NKAIN3: variants seen among roughly 807,000 people sequenced by gnomAD.
The protein encoded by NKAIN3 is sodium/potassium transporting ATPase interacting 3.
NKAIN3 carries 25 observed loss-of-function variants against 30.2 expected under a neutral mutation model. The ratio of observed to expected loss-of-function variants is 0.83; its 90% CI spans 0.60 to 1.16. The LOEUF (loss-of-function observed/expected upper bound fraction) is 1.16, where lower values mean the gene tolerates loss of function less well. Ranked by LOEUF, NKAIN3 falls within the 50% of genes most tolerant of loss-of-function variation. The probability of loss-of-function intolerance (pLI) is 0.00; values close to 1 mark genes in which losing one functional copy is unlikely to be tolerated. For missense variants in NKAIN3, 225 were observed against 254.1 expected (o/e 0.89, Z 0.78); for synonymous variants, 91 against 89.6 (o/e 1.02, Z -0.09).
At chr8:62,845,285 TTA>T (rs10525699) in intron 4 of NKAIN3, among the ~76,000 whole-genome samples, 3,625 of 68,904 alleles carry the variant, frequency 0.053, 389 homozygotes, top group African/African-American at 0.17. Flanking sequence ...GGATAGTAGA[TTA>T]TATATATATA....
intron 1 of NKAIN3, among the ~76,000 whole-genome samples, chr8:62,357,517 T>C (rs1816398263): frequency 6.6e-6 from 1 of 152,310 alleles, no homozygotes; most frequent in East Asian, 1.9e-4. Context: ...TAAGGCCTTA[T>C]AGGAGTCCTA....
chr8:62,726,656 A>G (rs1815269014), intron 3 of NKAIN3, among the ~76,000 whole-genome samples: 1 of 151,926 alleles, frequency 6.6e-6, no homozygotes, highest in Non-Finnish European at 1.5e-5. Flanking sequence ...TTACATCCTT[A>G]TATTTATTAT....
At chr8:62,269,182 A>G (rs1812698300) in intron 1 of NKAIN3, among the ~76,000 whole-genome samples, 1 of 152,208 alleles carries the variant, frequency 6.6e-6, no homozygotes, top group Non-Finnish European at 1.5e-5. Context: ...TGCATGGTGG[A>G]TAAGTATTGC....
intron 6 of NKAIN3, among the ~76,000 whole-genome samples, chr8:62,957,267 G>C (rs965776114): frequency 5.9e-5 from 9 of 152,094 alleles, no homozygotes. Flanking sequence ...CTGAGTAGCT[G>C]GGACTATAGG....
chr8:62,886,810 C>G (rs967624390), intron 4 of NKAIN3, among the ~76,000 whole-genome samples: 1 of 152,132 alleles, frequency 6.6e-6, no homozygotes, highest in African/African-American at 2.4e-5. Context: ...AATGCTCTCT[C>G]CCTCCTTGGC....
At chr8:62,611,852 G>A (rs1811302919) in intron 3 of NKAIN3, among the ~76,000 whole-genome samples, 1 of 151,876 alleles carries the variant, frequency 6.6e-6, no homozygotes, top group Admixed American at 6.6e-5. Flanking sequence ...TTAGTTTTTT[G>A]AGGAACCTTT....
intron 4 of NKAIN3, among the ~76,000 whole-genome samples, chr8:62,881,257 G>A (rs753848726): frequency 6.6e-6 from 1 of 152,028 alleles, no homozygotes; most frequent in Non-Finnish European, 1.5e-5. Flanking sequence ...TAGTTTCATT[G>A]CCCTAAAAAA....
chr8:62,820,258 T>C lies in NKAIN3; in HGVS notation c.471+73129T>C, dbSNP rs372909558. ...TATGGAGTATGGAATAAAGGAAGAA[T>C]GAGCTGGCATCAGGGGAATCAATGA... On this transcript the variant is annotated intron_variant, in intron 4 of 6. Coordinates refer to ENST00000623646, the MANE Select transcript of NKAIN3 (RefSeq NM_001304533.3). 3.4e-4 allele frequency among the ~76,000 whole-genome samples: 51 copies of C among 152,230 alleles called. No homozygotes were observed. The South Asian group carries it at 0.011, about 32-fold the overall frequency.
chr8:62,736,652 A>C (rs1600537), intron 3 of NKAIN3, among the ~76,000 whole-genome samples: 134,564 of 152,142 alleles, frequency 0.88, 59,657 homozygotes, highest in African/African-American at 0.91. Context: ...AGTTTCACAC[A>C]TCCCCACCTG....
chr8:62,747,816 T>G (rs953991817), intron 4 of NKAIN3, among the ~76,000 whole-genome samples: 56 of 152,172 alleles, frequency 3.7e-4, no homozygotes, highest in Non-Finnish European at 8.8e-5. Flanking sequence ...GACTTATCAT[T>G]TAGTTTGAGT....
rs1020903826 is a variant in NKAIN3 at position 62,978,989 on chromosome 8, T to C, written c.*13582T>C. On this transcript the variant is annotated 3_prime_UTR_variant, in exon 7 of 7. Transcript: ENST00000623646. ...GAGGGAGTTCCCCAACCCCTTGCAC[T>C]TCCCAGGTGAGGCAATGCCCCACCC... The C allele has an allele frequency of 5.9e-5, 9 of 152,914 alleles. No individual in the cohort carries two copies. The highest frequency in any genetic ancestry group is 2.2e-4 in the African/African-American group (9 of 41,416). The allele number at this position is 152,914 out of a possible 1,614,324, so 9.5% of individuals were successfully genotyped here.
chr8:62,279,360 G>A (rs1813089799), intron 1 of NKAIN3, among the ~76,000 whole-genome samples: 1 of 152,188 alleles, frequency 6.6e-6, no homozygotes. Flanking sequence ...TTGCTGTGCA[G>A]AAGCTCTTTA....
intron 1 of NKAIN3, among the ~76,000 whole-genome samples, chr8:62,513,837 C>G (rs1807893737): frequency 9.9e-6 from 1 of 100,638 alleles, no homozygotes; most frequent in Non-Finnish European, 1.8e-5. Context: ...CCAGCCTGGG[C>G]AACAGAGTGA....
intron 1 of NKAIN3, among the ~76,000 whole-genome samples, chr8:62,420,258 A>C (rs1181562493): frequency 6.6e-6 from 1 of 152,198 alleles, no homozygotes; most frequent in Non-Finnish European, 1.5e-5. Flanking sequence ...GGACCTACTC[A>C]GGCCCAGATC....
intron 1 of NKAIN3, among the ~76,000 whole-genome samples, chr8:62,292,590 T>C (rs1813684047): frequency 6.6e-6 from 1 of 152,242 alleles, no homozygotes; most frequent in Non-Finnish European, 1.5e-5. Flanking sequence ...TTGTAGAGTT[T>C]CTGCTGAGAG....
At chr8:62,803,951 A>G (rs1185029355) in intron 4 of NKAIN3, among the ~76,000 whole-genome samples, 1 of 152,254 alleles carries the variant, frequency 6.6e-6, no homozygotes, top group Admixed American at 6.5e-5. Context: ...GATCCCACAG[A>G]AATACAAACT....
chr8:62,641,182 A>C (rs964372958), intron 3 of NKAIN3, among the ~76,000 whole-genome samples: 10 of 152,108 alleles, frequency 6.6e-5, no homozygotes, highest in Non-Finnish European at 1.5e-4. Flanking sequence ...TCCTTACACC[A>C]CCAAAATTTG....
intron 4 of NKAIN3, among the ~76,000 whole-genome samples, chr8:62,807,694 A>G (rs1818343861): frequency 6.6e-6 from 1 of 150,618 alleles, no homozygotes; most frequent in South Asian, 2.1e-4. Flanking sequence ...CTGGGACTAC[A>G]GGTGCATGCC....
intron 3 of NKAIN3, among the ~76,000 whole-genome samples, chr8:62,602,529 C>T (rs1250234870): frequency 4.6e-5 from 7 of 152,064 alleles, no homozygotes; most frequent in African/African-American, 1.4e-4. Flanking sequence ...TTTCATAAAA[C>T]ATTGTATACA....
Sources: gnomAD v4.1 joint callset for allele counts (sites outside exome capture counted in the v4.1 genomes callset) on GRCh38, gnomAD v4.1.1 for gene constraint, MANE v1.5 for transcripts, NCBI Gene and HGNC (gene_info 2026-07-23, HGNC 2026-07-21) for gene names.